MED15: variants seen among roughly 807,000 people sequenced by gnomAD.
MED15 encodes the protein mediator of RNA polymerase II transcription subunit 15.
MED15 carries 41 observed loss-of-function variants against 118.7 expected under a neutral mutation model. That is an observed-to-expected ratio of 0.35 (90% confidence interval 0.27 to 0.45). The LOEUF (loss-of-function observed/expected upper bound fraction) is 0.45. MED15 is among the 20% of genes least tolerant of loss of function. The probability of loss-of-function intolerance (pLI) is 1.00; values close to 1 mark genes in which losing one functional copy is unlikely to be tolerated. For synonymous variants in MED15, 436 were observed against 413.9 expected (o/e 1.05, Z -0.65); for missense variants, 740 against 1,025.5 (o/e 0.72, Z 3.80).
chr22:20,587,001 G>A lies in MED15; in HGVS notation c.*297G>A, dbSNP rs2146695153. ...GCTGCTCTCACCGTGGCCTGTCCAC[G>A]GTCCAGGTCCATCTCAGCAGCGTGA... On this transcript the variant is annotated 3_prime_UTR_variant, in exon 18 of 18. Transcript: ENST00000263205. 4 of 477,816 alleles carry A rather than the reference G, an allele frequency of 8.4e-6. No individual in the cohort carries two copies. The highest frequency in any genetic ancestry group is 7.6e-6 in the Non-Finnish European group (2 of 261,978). The allele number at this position is 477,816 out of a possible 1,614,324, so 29.6% of individuals were successfully genotyped here.
In MED15 at chr22:20,583,730, G is replaced by C. The variant is rs1336439734; in HGVS notation, c.1736+337G>C. On this transcript the variant is annotated intron_variant, in intron 13 of 17. Transcript: ENST00000263205. ...GGGCCTGAGCCTGACCTGGAGTTCT[G>C]CCCCTGACTTGCTGGTGACCATGGG... is the stretch of plus-strand genomic sequence containing the variant. The C allele has an allele frequency of 1.9e-5, 6 of 314,826 alleles. No homozygotes were observed. In the East Asian group the frequency reaches 3.6e-4, roughly 19 times the overall value. 19.5% of individuals were successfully genotyped at this position (314,826 alleles called of 1,614,324 possible).
chr22:20,562,610 G>A (rs1032930143), intron 5 of MED15, among the ~76,000 whole-genome samples: 8 of 152,022 alleles, frequency 5.3e-5, no homozygotes, highest in African/African-American at 1.4e-4. Flanking sequence ...TCTCAAACTC[G>A]ACCTCAAGTG....
In MED15 at chr22:20,566,673, C is replaced by T; in HGVS notation, c.897C>T (p.His299=). The change falls in exon 7 of 18, where the codon CAC becomes CAT. Residue 299 remains histidine, a synonymous_variant. Transcript: ENST00000263205. Reference sequence around the variant, plus strand: ...AGCAGATGCATCACACACAGCACCACCAGCCGCCACCACAGCCCCAGCAGC... The same window carrying T: ...AGCAGATGCATCACACACAGCACCATCAGCCGCCACCACAGCCCCAGCAGC... ...QLQQMHHTQH[H]QPPPQPQQPP... 1 of 1,614,174 alleles carries T rather than the reference C, an allele frequency of 6.2e-7. No homozygotes were observed. The highest frequency in any genetic ancestry group is 1.1e-5 in the South Asian group (1 of 91,086).
intron 9 of MED15, chr22:20,582,197 T>C (rs1601643695): frequency 3.9e-6 from 1 of 254,962 alleles, no homozygotes; most frequent in South Asian, 4.7e-5. Context: ...GGGAAGACGG[T>C]CCCACTGGTC....
chr22:20,507,966 A>G, intron 1 of MED15: 2 of 1,437,138 alleles, frequency 1.4e-6, no homozygotes, highest in Non-Finnish European at 1.8e-6. Context: ...CAAACCAACG[A>G]GCCCTGGCTT....
chr22:20,563,240 A>G (rs8137236), intron 5 of MED15, among the ~76,000 whole-genome samples: 3,935 of 152,334 alleles, frequency 0.026, 178 homozygotes, highest in African/African-American at 0.09. Flanking sequence ...ATAAAAACCC[A>G]TGCACGAATT....
chr22:20,511,643 A>G (rs953537139), intron 1 of MED15, among the ~76,000 whole-genome samples: 18 of 150,446 alleles, frequency 1.2e-4, no homozygotes, highest in Admixed American at 1.1e-3. Context: ...AGAAAAAGGG[A>G]TTTTGAGTTG....
intron 1 of MED15, among the ~76,000 whole-genome samples, chr22:20,509,460 C>T (rs2053988057): frequency 6.6e-6 from 1 of 151,926 alleles, no homozygotes; most frequent in Non-Finnish European, 1.5e-5. Flanking sequence ...ATGATTGTGG[C>T]ATGACCTAGT....
At chr22:20,536,282 G>A (rs1321233958) in intron 1 of MED15, among the ~76,000 whole-genome samples, 1 of 150,098 alleles carries the variant, frequency 6.7e-6, no homozygotes, top group African/African-American at 2.4e-5. Flanking sequence ...TCCACCCCTG[G>A]GAGCCACAGG....
chr22:20,531,103 A>G (rs1428435790), intron 1 of MED15, among the ~76,000 whole-genome samples: 1 of 152,178 alleles, frequency 6.6e-6, no homozygotes, highest in East Asian at 1.9e-4. Flanking sequence ...AGATGGGTTG[A>G]GGGCAGACCG....
At chr22:20,567,221 CT>C (rs1290288260) in intron 7 of MED15, among the ~76,000 whole-genome samples, 3 of 151,712 alleles carry the variant, frequency 2.0e-5, no homozygotes, top group South Asian at 2.1e-4. Context: ...AAGCAAATAT[CT>C]TTTTTTTTCC....
intron 5 of MED15, among the ~76,000 whole-genome samples, chr22:20,562,947 G>A (rs1023897544): frequency 2.0e-4 from 30 of 151,794 alleles, no homozygotes; most frequent in Admixed American, 3.3e-4. Flanking sequence ...GAGGCAGGAG[G>A]GTCACTTAAG....
Position 20,575,131 on chromosome 22 carries a change from G to A in MED15, c.1171G>A (p.Ala391Thr). ...PGVQMITEALAQGGMHIRARF... is the reference protein window; with the variant it reads ...PGVQMITEALTQGGMHIRARF... ...CTCAAAGATGATCACGGAAGCCTTG[G>A]CCCAAGGTGGGATGCACATAAGAGC... Residue 391 changes from alanine to threonine, a missense_variant, in exon 9 of 18, where the codon GCC becomes ACC. Ala to Thr is a moderately conservative substitution (Grantham distance 58). Transcript: ENST00000263205. 1 of 1,614,064 alleles carries A rather than the reference G, an allele frequency of 6.2e-7. No homozygotes were observed. Among genetic ancestry groups the A allele is most frequent in the Non-Finnish European group, 8.5e-7 (1 of 1,180,036 alleles).
chr22:20,507,792 C>A (rs1349956917), intron 1 of MED15, 46 bp downstream of exon 1: 1 of 1,611,990 alleles, frequency 6.2e-7, no homozygotes, highest in Admixed American at 1.7e-5. Flanking sequence ...GACCTTCCTC[C>A]TTAGCGTGGC....
rs78151751 is a variant in MED15, at chr22:20,573,007, C to T, written c.1153-2106C>T. Among the ~76,000 whole-genome samples the T allele has an allele frequency of 1.5e-4, 22 of 149,182 alleles. No individual in the cohort carries two copies. The East Asian group carries it at 3.9e-3, about 27-fold the overall frequency. ...TTAAAGACAGAGTCTCTTGCTCTGT[C>T]ACCCAGGCTGGAGTGCAATGGTACA... On this transcript the variant is annotated intron_variant, in intron 8 of 17. Transcript: ENST00000263205.
At chr22:20,583,460 T>G in intron 13 of MED15, 67 bp downstream of exon 13, 1 of 1,577,436 alleles carries the variant, frequency 6.3e-7, no homozygotes, top group Non-Finnish European at 8.7e-7. Context: ...GGATGGGCAC[T>G]TGGTGATGAT....
Position 20,582,885 on chromosome 22 carries a change from A to G in MED15, c.1455A>G (p.Ser485=). The G allele has an allele frequency of 6.2e-7, 1 of 1,612,790 alleles. No individual in the cohort carries two copies. Among genetic ancestry groups the G allele is most frequent in the East Asian group, 2.2e-5 (1 of 44,844 alleles). ...CCAGTAGCTTCCTGCCCAGCCCCTC[A>G]CCGCAGCCCTCCCAGAGCCCAGTGA... ...PSPSSFLPSP[S]PQPSQSPVTA... is the part of the protein sequence containing the mutation. The change falls in exon 11 of 18, where the codon TCA becomes TCG. Residue 485 remains serine, a synonymous_variant. Coordinates refer to ENST00000263205, the MANE Select transcript of MED15 (RefSeq NM_001003891.3).
intron 5 of MED15, among the ~76,000 whole-genome samples, chr22:20,562,153 C>T (rs533002007): frequency 4.6e-5 from 7 of 152,048 alleles, no homozygotes; most frequent in Admixed American, 3.9e-4. Flanking sequence ...AGAGCAAAAT[C>T]CCGTCTCAAA....
Position 20,566,626 on chromosome 22 carries a change from C to A in MED15, c.850C>A (p.Gln284Lys), listed in dbSNP as rs954256640. 6.2e-7 allele frequency: 1 copy of A among 1,614,152 alleles called. No homozygotes were observed. The highest frequency in any genetic ancestry group is 8.5e-7 in the Non-Finnish European group (1 of 1,180,006). The change falls in exon 7 of 18, where the codon CAG becomes AAG. Residue 284 changes from glutamine (Q) to lysine (K), a missense_variant. Physicochemically the swap from Gln to Lys is moderately conservative, Grantham distance 53 (BLOSUM62 1). Transcript: ENST00000263205. ...PMQQPQPPPSQALPQQLQQMH... is the reference protein window; with the variant it reads ...PMQQPQPPPSKALPQQLQQMH... ...GCAGCAGCCACAGCCTCCGCCCTCC[C>A]AGGCTCTGCCCCAGCAGCTGCAGCA... is the stretch of plus-strand genomic sequence containing the variant.
Sources: allele counts gnomAD v4.1 joint callset (sites outside exome capture counted in the v4.1 genomes callset), GRCh38; gene constraint gnomAD v4.1.1; transcripts MANE v1.5; gene names NCBI Gene and HGNC (gene_info 2026-07-23, HGNC 2026-07-21).